Variants in LARP4 observed in about 807,000 individuals in gnomAD.
The protein encoded by LARP4 is la-related protein 4.
Under a neutral mutation model 92.9 loss-of-function variants are expected in LARP4, and 29 were observed. The observed-to-expected ratio is 0.31, with a 90% CI of 0.23 to 0.43. LARP4 has a LOEUF of 0.43. Ranked by LOEUF, LARP4 falls within the 20% of genes least tolerant of loss-of-function variation. LARP4 has a pLI of 1.00. For synonymous variants in LARP4, 279 were observed against 284.1 expected, an observed-to-expected ratio of 0.98 and a Z score of 0.18; for missense variants, 732 against 860.0, an observed-to-expected ratio of 0.85 and a Z score of 1.86.
At chr12:50,416,404 A>G (rs1371778887) in intron 1 of LARP4, 1 of 152,244 alleles carries the variant, frequency 6.6e-6, no homozygotes, top group Non-Finnish European at 1.5e-5. Context: ...CTCAACACCT[A>G]TAATCCCAGC....
Position 50,419,307 on chromosome 12 carries a change from G to T in LARP4, c.19-8455G>T, listed in dbSNP as rs572192645. On this transcript the variant is annotated intron_variant, in intron 1 of 15. Transcript: ENST00000398473. ...CTTCATCTTGGAGGTTGAGGCTGCA[G>T]TGAGCCTTGATGGTGCCACTGCACT... Among the ~76,000 whole-genome samples the T allele has an allele frequency of 3.3e-5, 5 of 152,316 alleles. No homozygotes were observed. In the South Asian group the frequency reaches 8.3e-4, roughly 25 times the overall value.
intron 15 of LARP4, among the ~76,000 whole-genome samples, chr12:50,475,151 C>T (rs1024371271): frequency 5.3e-5 from 8 of 152,138 alleles, no homozygotes; most frequent in African/African-American, 1.9e-4. Flanking sequence ...TGGATTCTAA[C>T]TGCTCTGCTG....
intron 8 of LARP4, among the ~76,000 whole-genome samples, chr12:50,443,293 G>A (rs954797245): frequency 6.6e-6 from 1 of 151,942 alleles, no homozygotes; most frequent in African/African-American, 2.4e-5. Flanking sequence ...TGAGACTGGG[G>A]TTTCTTTCTC....
In LARP4 at chr12:50,441,604, A is replaced by C; in HGVS notation, c.765A>C (p.Leu255Phe). ...TTTGTTAACAGGCTTTTAAATACTTAAGAGAAGAAGTTAAAACATTTCAGG... is the reference window on the plus strand; with the variant it reads ...TTTGTTAACAGGCTTTTAAATACTTCAGAGAAGAAGTTAAAACATTTCAGG... ...DTDAQQAFKYLREEVKTFQGK... is the reference protein window; with the variant it reads ...DTDAQQAFKYFREEVKTFQGK... The change falls in exon 8 of 16, where the codon TTA becomes TTC. Residue 255 changes from leucine (L) to phenylalanine (F), a missense_variant. Physicochemically the swap from Leu to Phe is conservative, Grantham distance 22 (BLOSUM62 0). This residue lies in a region of LARP4 where 236 missense variants were observed against 307.6 expected (regional missense o/e 0.77). Coordinates refer to ENST00000398473, the MANE Select transcript of LARP4 (RefSeq NM_052879.5). The C allele has an allele frequency of 6.3e-7, 1 of 1,598,168 alleles. No individual in the cohort carries two copies. The highest frequency in any genetic ancestry group is 8.5e-7 in the Non-Finnish European group (1 of 1,174,320).
intron 1 of LARP4, among the ~76,000 whole-genome samples, chr12:50,403,893 C>T (rs1395223282): frequency 6.6e-6 from 1 of 151,288 alleles, no homozygotes; most frequent in East Asian, 1.9e-4. Context: ...TCTTAAGTCT[C>T]AATATCTCTA....
intron 10 of LARP4, among the ~76,000 whole-genome samples, chr12:50,455,564 C>T (rs1954068908): frequency 6.6e-6 from 1 of 152,142 alleles, no homozygotes; most frequent in Non-Finnish European, 1.5e-5. Flanking sequence ...AGGAGACCAT[C>T]TGGAGTATGT....
At chr12:50,434,300 A>G (rs979624459) in intron 4 of LARP4, among the ~76,000 whole-genome samples, 21 of 152,162 alleles carry the variant, frequency 1.4e-4, no homozygotes, top group Non-Finnish European at 1.8e-4. Flanking sequence ...GATTTTACCT[A>G]AGTTTATTAA....
At chr12:50,435,250 G>A (rs181026912) in intron 4 of LARP4, among the ~76,000 whole-genome samples, 28 of 152,272 alleles carry the variant, frequency 1.8e-4, no homozygotes, top group Non-Finnish European at 3.8e-4. Flanking sequence ...TGCTAGATGT[G>A]TTTGGGAATT....
At chr12:50,446,568 A>T (rs1339937750) in intron 8 of LARP4, among the ~76,000 whole-genome samples, 9 of 148,178 alleles carry the variant, frequency 6.1e-5, no homozygotes, top group Non-Finnish European at 8.9e-5. Context: ...AGCTGGTACT[A>T]CAGACGCATG....
intron 14 of LARP4, among the ~76,000 whole-genome samples, 185 bp from the exon 15 acceptor site, chr12:50,473,814 T>TG (rs1191247709): frequency 0.098 from 857 of 8,730 alleles, 17 homozygotes; most frequent in African/African-American, 0.22. Context: ...GGTGGGGGGG[T>TG]GGGGGGGGTG....
intron 1 of LARP4, among the ~76,000 whole-genome samples, chr12:50,407,397 TACTA>T (rs1945056680): frequency 6.6e-6 from 1 of 152,226 alleles, no homozygotes; most frequent in Non-Finnish European, 1.5e-5. Context: ...TCAGCCTTGT[TACTA>T]ACATACTCTG....
chr12:50,413,410 A>G (rs1946250035), intron 1 of LARP4, among the ~76,000 whole-genome samples: 1 of 152,146 alleles, frequency 6.6e-6, no homozygotes, highest in South Asian at 2.1e-4. Context: ...ACTGTAAAAT[A>G]TATATTTTAC....
In LARP4 at chr12:50,467,856, A is replaced by T. The variant is rs546044858; in HGVS notation, c.1545+736A>T. 1.1e-4 allele frequency among the ~76,000 whole-genome samples: 5 copies of T among 47,456 alleles called. No individual in the cohort carries two copies. In the East Asian group the frequency reaches 0.011, roughly 109 times the overall value. The allele number at this position is 47,456 out of a possible 152,430, so 31.1% of individuals were successfully genotyped here. The stretch of plus-strand genomic sequence containing the variant: ...TCATTTTCTACCTTTATTCTAATTC[A>T]GTTTTTTTTTTAATTATAACAGTAC... On this transcript the variant is annotated intron_variant, in intron 13 of 15. Transcript: ENST00000398473.
rs560105661 is a variant in LARP4 at position 50,458,926 on chromosome 12, A to G, written c.1122-2209A>G. The stretch of plus-strand genomic sequence containing the variant: ...CTATTGGGTGCATTGGTATTTTCCT[A>G]GTTTGCTGTCCTACATATGGATCTT... On this transcript the variant is annotated intron_variant, in intron 10 of 15. Transcript: ENST00000398473. Among the ~76,000 whole-genome samples, 5 of 152,234 alleles carry G rather than the reference A, an allele frequency of 3.3e-5. 1 individual carries two copies. The South Asian group carries it at 1.0e-3, about 32-fold the overall frequency.
At chr12:50,443,008 T>C (rs1253036943) in intron 8 of LARP4, among the ~76,000 whole-genome samples, 2 of 152,220 alleles carry the variant, frequency 1.3e-5, no homozygotes, top group Non-Finnish European at 2.9e-5. Context: ...TATAAAGATA[T>C]TCTCCTGAGT....
At chr12:50,463,026 C>T (rs1166541666) in intron 12 of LARP4, among the ~76,000 whole-genome samples, 1 of 152,040 alleles carries the variant, frequency 6.6e-6, no homozygotes, top group Middle Eastern at 3.2e-3. Context: ...AGATTAAGGA[C>T]TTCTAGGGAG....
Position 50,408,246 on chromosome 12 carries a change from G to A in LARP4, c.18+7218G>A, listed in dbSNP as rs1360760131. ...GAGTTTCTCTCTTGTTGCCCAGGCT[G>A]GAGTGCAATGGTGTGATCTCAGCTC... On this transcript the variant is annotated intron_variant, in intron 1 of 15. Coordinates refer to ENST00000398473, the MANE Select transcript of LARP4 (RefSeq NM_052879.5). Among the ~76,000 whole-genome samples, 3 of 124,478 alleles carry A rather than the reference G, an allele frequency of 2.4e-5. No individual in the cohort carries two copies. The East Asian group carries it at 7.2e-4, about 30-fold the overall frequency. The allele number at this position is 124,478 out of a possible 152,430, so 81.7% of individuals were successfully genotyped here. A position where few individuals can be genotyped will look rare whatever the true frequency, so the allele number is the denominator to read the frequency against.
intron 6 of LARP4, among the ~76,000 whole-genome samples, chr12:50,439,372 T>A (rs773364346): frequency 3.8e-4 from 58 of 152,232 alleles, no homozygotes; most frequent in Non-Finnish European, 6.3e-4. Flanking sequence ...TTTTTGCTTT[T>A]AAAATTTTTT....
Position 50,462,585 on chromosome 12 carries a change from A to G in LARP4, c.1338A>G (p.Arg446=). The change falls in exon 12 of 16, where the codon AGA becomes AGG. Residue 446 remains arginine (R), a synonymous_variant. Coordinates refer to ENST00000398473, the MANE Select transcript of LARP4 (RefSeq NM_052879.5). ...EQNGDYGRGR[R]TLFRGRRRRE... ...CCCACCTTTTTCTTATTAAAAGGAG[A>G]ACTCTCTTCAGAGGTCGAAGACGAC... The G allele has an allele frequency of 7.5e-7, 1 of 1,324,828 alleles. No individual in the cohort carries two copies. Among genetic ancestry groups the G allele is most frequent in the Non-Finnish European group, 1.0e-6 (1 of 984,952 alleles). 82.1% of individuals were successfully genotyped at this position (1,324,828 alleles called of 1,614,324 possible).
Sources: gnomAD v4.1 joint callset for allele counts (sites outside exome capture counted in the v4.1 genomes callset) on GRCh38, gnomAD v4.1.1 for gene constraint, gnomAD v4.1.1 regional missense constraint, MANE v1.5 for transcripts, NCBI Gene and HGNC (gene_info 2026-07-23, HGNC 2026-07-21) for gene names.